The following GRIN2B variants were observed in gnomAD, a reference collection of about 807,000 sequenced individuals.
GRIN2B encodes the protein glutamate ionotropic receptor NMDA type subunit 2B, also known as glutamate receptor ionotropic, NMDA 2B.
Under a neutral mutation model 114.5 loss-of-function variants are expected in GRIN2B, and 5 were observed. The ratio of observed to expected loss-of-function variants is 0.04; its 90% CI spans 0.02 to 0.09. The LOEUF (loss-of-function observed/expected upper bound fraction) is 0.09. Among genes scored for constraint, GRIN2B ranks in the 10% least tolerant of loss-of-function variants. The probability of loss-of-function intolerance (pLI) is 1.00; values close to 1 mark genes in which losing one functional copy is unlikely to be tolerated. For synonymous variants in GRIN2B, 787 were observed against 745.1 expected (o/e 1.06, Z -0.92); for missense variants, 1,108 against 1,943.5 (o/e 0.57, Z 8.08).
chr12:13,783,479 A>G (rs534150524), intron 3 of GRIN2B, among the ~76,000 whole-genome samples: 19 of 44,334 alleles, frequency 4.3e-4, no homozygotes, highest in African/African-American at 1.0e-3. Flanking sequence ...GATAGGCAGC[A>G]GGGTGAAATG....
At chr12:13,861,912 T>C (rs927065312) in intron 3 of GRIN2B, among the ~76,000 whole-genome samples, 2 of 152,212 alleles carry the variant, frequency 1.3e-5, no homozygotes, top group African/African-American at 2.4e-5. Context: ...GGCTGGACAC[T>C]TCAGTGAAGC....
At chr12:13,716,850 T>C (rs918630801) in intron 4 of GRIN2B, among the ~76,000 whole-genome samples, 1 of 151,890 alleles carries the variant, frequency 6.6e-6, no homozygotes, top group African/African-American at 2.4e-5. Flanking sequence ...GAGAAAGTCC[T>C]TCTCATTCAC....
At chr12:13,778,968 C>T (rs118076934) in intron 3 of GRIN2B, among the ~76,000 whole-genome samples, 335 of 152,280 alleles carry the variant, frequency 2.2e-3, no homozygotes, top group Non-Finnish European at 4.1e-3. Flanking sequence ...TTCTAGGTTA[C>T]AGATATAATA....
At chr12:13,773,766 T>C (rs1047684616) in intron 3 of GRIN2B, among the ~76,000 whole-genome samples, 2 of 152,110 alleles carry the variant, frequency 1.3e-5, no homozygotes, top group African/African-American at 4.8e-5. Context: ...TGGTGGAACA[T>C]TCCATGAGAC....
chr12:13,656,736 T>C (rs1035136561), intron 5 of GRIN2B, among the ~76,000 whole-genome samples: 1 of 152,172 alleles, frequency 6.6e-6, no homozygotes, highest in African/African-American at 2.4e-5. Context: ...GCTATTCTTA[T>C]AACTAATGAA....
chr12:13,752,794 G>A (rs754016844), intron 4 of GRIN2B, among the ~76,000 whole-genome samples: 6 of 152,282 alleles, frequency 3.9e-5, no homozygotes, highest in East Asian at 3.9e-4. Context: ...TCCTTCATAC[G>A]ACTACAGATC....
chr12:13,881,330 C>T (rs775063752), intron 2 of GRIN2B, among the ~76,000 whole-genome samples: 1 of 152,182 alleles, frequency 6.6e-6, no homozygotes. Context: ...TAGCACCTGG[C>T]GGTCTCCTTC....
chr12:13,822,103 G>C (rs1023264676), intron 3 of GRIN2B, among the ~76,000 whole-genome samples: 3 of 152,138 alleles, frequency 2.0e-5, no homozygotes, highest in Admixed American at 6.5e-5. Context: ...ATTCCTTAAA[G>C]GGCTGGGCCT....
At chr12:13,907,717 TATGAAAAA>T (rs1427801003) in intron 2 of GRIN2B, among the ~76,000 whole-genome samples, 2 of 152,188 alleles carry the variant, frequency 1.3e-5, no homozygotes, top group Non-Finnish European at 2.9e-5. Context: ...ATGTTATACA[TATGAAAAA>T]ATTCATCAAG....
At chr12:13,826,640 CTTT>C (rs538123942) in intron 3 of GRIN2B, among the ~76,000 whole-genome samples, 1 of 151,262 alleles carries the variant, frequency 6.6e-6, no homozygotes, top group Admixed American at 6.6e-5. Context: ...TTGTTGTTTT[CTTT>C]TTTTTAGTTT....
intron 2 of GRIN2B, among the ~76,000 whole-genome samples, chr12:13,935,248 C>T (rs529035679): frequency 6.6e-6 from 1 of 152,154 alleles, no homozygotes; most frequent in Admixed American, 6.5e-5. Context: ...CTGTATCATA[C>T]AAATCTTGAC....
intron 4 of GRIN2B, among the ~76,000 whole-genome samples, chr12:13,720,458 T>C (rs1950497565): frequency 6.6e-6 from 1 of 152,116 alleles, no homozygotes; most frequent in African/African-American, 2.4e-5. Flanking sequence ...GGCAGATTTA[T>C]GTCTTTGTGA....
In GRIN2B at chr12:13,811,090, C is replaced by G. The variant is rs1039496445; in HGVS notation, c.411+54708G>C. On this transcript the variant is annotated intron_variant, in intron 3 of 13. Coordinates refer to ENST00000609686, the MANE Select transcript of GRIN2B (RefSeq NM_000834.5). ...GCCACTGCCATCTATGGCAACTGGC[C>G]AAAAACAGAGGCCTAACTTCAGTGA... is the stretch of plus-strand genomic sequence containing the variant. 3.3e-5 allele frequency among the ~76,000 whole-genome samples: 5 copies of G among 152,278 alleles called. 1 individual carries two copies. The Middle Eastern group carries it at 0.017, about 518-fold the overall frequency.
chr12:13,720,989 A>G (rs1950503467), intron 4 of GRIN2B, among the ~76,000 whole-genome samples: 2 of 152,106 alleles, frequency 1.3e-5, no homozygotes. Flanking sequence ...AATATTAACT[A>G]ATGGTAGCAG....
At chr12:13,706,310 T>C (rs997595946) in intron 4 of GRIN2B, among the ~76,000 whole-genome samples, 3 of 152,106 alleles carry the variant, frequency 2.0e-5, no homozygotes, top group African/African-American at 7.2e-5. Context: ...ACATAAGAAA[T>C]GCCATTCTTC....
chr12:13,614,040 CAAAT>C (rs1949402080), intron 8 of GRIN2B, among the ~76,000 whole-genome samples: 1 of 101,672 alleles, frequency 9.8e-6, no homozygotes, highest in Non-Finnish European at 2.0e-5. Context: ...AAAAAAAAAG[CAAAT>C]AAAATATGTA....
At chr12:13,928,841 T>C (rs1385745845) in intron 2 of GRIN2B, among the ~76,000 whole-genome samples, 5 of 152,226 alleles carry the variant, frequency 3.3e-5, no homozygotes, top group Non-Finnish European at 7.3e-5. Context: ...TAAAAAGTAG[T>C]CAGTCACTTA....
chr12:13,799,369 T>C lies in GRIN2B; in HGVS notation c.412-45454A>G, dbSNP rs116558888. Among the ~76,000 whole-genome samples the C allele has an allele frequency of 5.0e-3, 760 of 152,304 alleles. 11 individuals are homozygous for C. Among genetic ancestry groups the C allele is most frequent in the African/African-American group, 0.017 (724 of 41,542 alleles). On this transcript the variant is annotated intron_variant, in intron 3 of 13. Transcript: ENST00000609686. ...CTTTCCTTGTGGTTCCCTCAGTCTC[T>C]TTCGCCCTTGTATTCCACTGTGCTC...
chr12:13,860,532 C>A (rs961975272), intron 3 of GRIN2B, among the ~76,000 whole-genome samples: 5 of 152,068 alleles, frequency 3.3e-5, no homozygotes, highest in Non-Finnish European at 7.4e-5. Context: ...ACCATGTTGG[C>A]CAGAATGGTC....
Sources: gnomAD v4.1 joint callset for allele counts (sites outside exome capture counted in the v4.1 genomes callset) on GRCh38, gnomAD v4.1.1 for gene constraint, MANE v1.5 for transcripts, NCBI Gene and HGNC (gene_info 2026-07-23, HGNC 2026-07-21) for gene names.